Variants in SOX5 observed in about 807,000 individuals in gnomAD.
SOX5 encodes SRY-box transcription factor 5.
Under a neutral mutation model 92.0 loss-of-function variants are expected in SOX5, and 9 were observed. The observed-to-expected ratio is 0.10, with a 90% CI of 0.06 to 0.17. The LOEUF (loss-of-function observed/expected upper bound fraction) is 0.17, where lower values mean the gene tolerates loss of function less well. Among genes scored for constraint, SOX5 ranks in the 10% least tolerant of loss-of-function variants. SOX5 has a pLI of 1.00. For missense variants in SOX5, 642 were observed against 944.5 expected (o/e 0.68, Z 4.20); for synonymous variants, 344 against 336.3 (o/e 1.02, Z -0.25).
chr12:24,410,011 T>A (rs531248804), intron 1 of SOX5, among the ~76,000 whole-genome samples: 134 of 152,258 alleles, frequency 8.8e-4, no homozygotes, highest in African/African-American at 2.8e-3. Context: ...ACTTTTTTTT[T>A]TTTTTAAACA....
At chr12:24,373,659 A>C (rs1956964226) in intron 1 of SOX5, among the ~76,000 whole-genome samples, 1 of 152,204 alleles carries the variant, frequency 6.6e-6, no homozygotes, top group South Asian at 2.1e-4. Context: ...TATGCACACA[A>C]ACACAGATAT....
intron 3 of SOX5, among the ~76,000 whole-genome samples, chr12:24,244,846 C>T (rs1357364533): frequency 2.6e-5 from 4 of 152,134 alleles, no homozygotes; most frequent in Non-Finnish European, 5.9e-5. Flanking sequence ...CATGCACCAC[C>T]ACACCTGGCT....
intron 4 of SOX5, among the ~76,000 whole-genome samples, chr12:24,167,428 A>G (rs1042643911): frequency 7.2e-5 from 11 of 152,190 alleles, no homozygotes; most frequent in African/African-American, 2.7e-4. Flanking sequence ...AGCAGGTTGG[A>G]AGAGATAAGC....
chr12:24,056,843 C>CG (rs1241297416), intron 4 of SOX5, among the ~76,000 whole-genome samples: 1 of 148,362 alleles, frequency 6.7e-6, no homozygotes, highest in Non-Finnish European at 1.5e-5. Context: ...GGCGTAGTGG[C>CG]GGGCGCCTGT....
chr12:24,129,379 T>C (rs1949426310), intron 4 of SOX5, among the ~76,000 whole-genome samples: 1 of 152,192 alleles, frequency 6.6e-6, no homozygotes, highest in Admixed American at 6.5e-5. Context: ...ACTACAATTT[T>C]ATTACCCAGT....
chr12:23,588,905 T>C (rs2137070206), intron 9 of SOX5, among the ~76,000 whole-genome samples: 1 of 152,128 alleles, frequency 6.6e-6, no homozygotes, highest in East Asian at 1.9e-4. Context: ...TACCATTTTG[T>C]TACACCTGCC....
Position 23,669,624 on chromosome 12 carries a change from G to A in SOX5, c.811-4060C>T, listed in dbSNP as rs923019245. The stretch of plus-strand genomic sequence containing the variant: ...GGAACAGATTATGAGGGCTAGATCA[G>A]CAGAAGAGTAATGGATGAGGAGAAA... On this transcript the variant is annotated intron_variant, in intron 6 of 14. Transcript: ENST00000451604. 2.0e-5 allele frequency among the ~76,000 whole-genome samples: 3 copies of A among 149,290 alleles called. No homozygotes were observed. In the Admixed American group the frequency reaches 2.0e-4, roughly 10 times the overall value.
At chr12:24,169,912 T>A (rs1953879286) in intron 4 of SOX5, among the ~76,000 whole-genome samples, 2 of 152,198 alleles carry the variant, frequency 1.3e-5, no homozygotes, top group South Asian at 4.1e-4. Flanking sequence ...CTTGTCCAGC[T>A]ATTTGGAGGG....
intron 4 of SOX5, among the ~76,000 whole-genome samples, chr12:24,071,536 G>A (rs1043333277): frequency 6.6e-6 from 1 of 152,078 alleles, no homozygotes; most frequent in Non-Finnish European, 1.5e-5. Context: ...CCAGGTTCAC[G>A]CCATTCTTCT....
At position 23,563,141 on chromosome 12, in the gene SOX5, A is replaced by G. The variant is rs150081091; in HGVS notation, c.1488+117T>C. The G allele has an allele frequency of 8.3e-5, 71 of 850,656 alleles. No individual in the cohort carries two copies. The African/African-American group carries it at 9.5e-4, about 11-fold the overall frequency. 52.7% of individuals were successfully genotyped at this position (850,656 alleles called of 1,614,324 possible). On this transcript the variant is annotated intron_variant, in intron 11 of 14. Transcript: ENST00000451604. ...AGGCCTTCTATATTAATGGAGGGAG[A>G]AAAGGGACAGAGAATCATTTTGAGG...
intron 4 of SOX5, among the ~76,000 whole-genome samples, chr12:24,068,097 A>G (rs1433603715): frequency 6.6e-6 from 1 of 152,238 alleles, no homozygotes; most frequent in Non-Finnish European, 1.5e-5. Context: ...GTGAGCCAAG[A>G]TTGCGCCACT....
intron 4 of SOX5, among the ~76,000 whole-genome samples, chr12:24,047,071 AGGTAC>A (rs1957111520): frequency 6.6e-6 from 1 of 152,006 alleles, no homozygotes; most frequent in Admixed American, 6.6e-5. Context: ...CCCCCTTTGG[AGGTAC>A]GAATAACACT....
chr12:24,541,474 A>ACTATTTAATCGACTCAATT (rs562813511), intron 1 of SOX5, among the ~76,000 whole-genome samples: 207 of 152,342 alleles, frequency 1.4e-3, no homozygotes, highest in African/African-American at 4.4e-3. Flanking sequence ...GGGACTCAAT[A>ACTATTTAATCGACTCAATT]CTATTTAATC....
intron 1 of SOX5, among the ~76,000 whole-genome samples, chr12:24,515,921 T>C (rs1949740195): frequency 3.3e-5 from 5 of 152,236 alleles, no homozygotes; most frequent in African/African-American, 1.2e-4. Context: ...GCTCTTATTC[T>C]ATTCTTTATC....
intron 1 of SOX5, among the ~76,000 whole-genome samples, chr12:23,898,136 T>G (rs12582270): frequency 0.065 from 9,848 of 152,298 alleles, 424 homozygotes; most frequent in East Asian, 0.098. Context: ...CTGATTCTCA[T>G]GTAAAGAGTT....
chr12:24,359,316 G>A (rs1955233546), intron 2 of SOX5, among the ~76,000 whole-genome samples: 1 of 152,228 alleles, frequency 6.6e-6, no homozygotes, highest in Admixed American at 6.5e-5. Flanking sequence ...GATTACTCAT[G>A]AAGTTAAGGC....
chr12:24,016,190 C>T (rs555945423), intron 4 of SOX5, among the ~76,000 whole-genome samples: 1 of 152,260 alleles, frequency 6.6e-6, no homozygotes, highest in Admixed American at 6.5e-5. Context: ...TACCTACCCT[C>T]GTGCCTTGTC....
intron 4 of SOX5, among the ~76,000 whole-genome samples, chr12:24,117,436 A>G (rs1317644197): frequency 2.1e-5 from 3 of 141,374 alleles, no homozygotes; most frequent in Middle Eastern, 7.1e-3. Flanking sequence ...GATTTACTAT[A>G]TGATCTAGCA....
At chr12:24,093,021 A>C (rs988459085) in intron 4 of SOX5, among the ~76,000 whole-genome samples, 3 of 152,060 alleles carry the variant, frequency 2.0e-5, no homozygotes, top group Non-Finnish European at 4.4e-5. Context: ...TTAAAAAATC[A>C]TGAGCTAAAT....
Sources: gnomAD v4.1 joint callset for allele counts (sites outside exome capture counted in the v4.1 genomes callset) on GRCh38, gnomAD v4.1.1 for gene constraint, MANE v1.5 for transcripts, NCBI Gene and HGNC (gene_info 2026-07-23, HGNC 2026-07-21) for gene names.